Variants in ERC2 observed in about 807,000 individuals in gnomAD.
The protein encoded by ERC2 is ERC protein 2.
ERC2 carries 42 observed loss-of-function variants against 114.8 expected under a neutral mutation model. That is an observed-to-expected ratio of 0.37 (90% CI 0.29 to 0.47). The LOEUF (loss-of-function observed/expected upper bound fraction) is 0.47, where lower values mean the gene tolerates loss of function less well. Ranked by LOEUF, ERC2 falls within the 20% of genes least tolerant of loss-of-function variation. The pLI, the probability that ERC2 is intolerant of heterozygous loss-of-function variation, is 0.99. For missense variants in ERC2, 939 were observed against 1,150.7 expected, an observed-to-expected ratio of 0.82 and a Z score of 2.66; for synonymous variants, 454 against 425.5, an observed-to-expected ratio of 1.07 and a Z score of -0.82.
chr3:56,243,920 G>A (rs1024496548), intron 3 of ERC2, among the ~76,000 whole-genome samples: 2 of 152,176 alleles, frequency 1.3e-5, no homozygotes, highest in South Asian at 2.1e-4. Context: ...TGTAAAGAAA[G>A]CACAGTGTGG....
At chr3:55,807,734 C>T (rs9311587) in intron 14 of ERC2, among the ~76,000 whole-genome samples, 1 of 152,136 alleles carries the variant, frequency 6.6e-6, no homozygotes, top group African/African-American at 2.4e-5. Context: ...CCTTATCAAC[C>T]TAGACTCCTT....
chr3:56,282,121 AT>A (rs1292751990), intron 3 of ERC2, among the ~76,000 whole-genome samples: 1 of 152,236 alleles, frequency 6.6e-6, no homozygotes, highest in East Asian at 1.9e-4. Context: ...GAATGCAAAG[AT>A]TTTGTAGCAG....
At chr3:56,415,282 A>G (rs2061105767) in intron 2 of ERC2, among the ~76,000 whole-genome samples, 2 of 152,260 alleles carry the variant, frequency 1.3e-5, no homozygotes, top group African/African-American at 4.8e-5. Context: ...AGATAGACAG[A>G]TGGGTACACA....
At chr3:56,305,923 C>G (rs1180439112) in intron 2 of ERC2, among the ~76,000 whole-genome samples, 1 of 152,168 alleles carries the variant, frequency 6.6e-6, no homozygotes, top group Non-Finnish European at 1.5e-5. Flanking sequence ...AATCTCAGCT[C>G]ACTGCATCCT....
At chr3:55,820,845 A>G (rs1332660098) in intron 14 of ERC2, among the ~76,000 whole-genome samples, 1 of 152,174 alleles carries the variant, frequency 6.6e-6, no homozygotes, top group Non-Finnish European at 1.5e-5. Flanking sequence ...TCACTCAAGG[A>G]ACATTTAGTG....
chr3:56,141,151 T>G (rs1487219048), intron 5 of ERC2, among the ~76,000 whole-genome samples: 2 of 152,226 alleles, frequency 1.3e-5, no homozygotes, highest in Non-Finnish European at 2.9e-5. Context: ...TTTACACTTT[T>G]GCCAATTTGA....
chr3:56,218,197 C>T (rs559546740), intron 3 of ERC2, among the ~76,000 whole-genome samples: 1 of 152,158 alleles, frequency 6.6e-6, no homozygotes, highest in South Asian at 2.1e-4. Flanking sequence ...TCAGAGTGAA[C>T]AGGCAACCTA....
At chr3:55,946,806 A>G (rs907507644) in intron 13 of ERC2, among the ~76,000 whole-genome samples, 6 of 152,238 alleles carry the variant, frequency 3.9e-5, no homozygotes, top group African/African-American at 2.4e-5. Context: ...AAGCTAAATC[A>G]AGAACATTCC....
chr3:56,059,863 A>T (rs947737184), intron 7 of ERC2, among the ~76,000 whole-genome samples: 7 of 152,232 alleles, frequency 4.6e-5, no homozygotes, highest in African/African-American at 1.7e-4. Context: ...GTCTACAAAC[A>T]TGCAGATTCT....
intron 2 of ERC2, among the ~76,000 whole-genome samples, chr3:56,311,475 AT>A (rs890374052): frequency 6.6e-6 from 1 of 150,590 alleles, no homozygotes; most frequent in Non-Finnish European, 1.5e-5. Flanking sequence ...ATTTTTTTGT[AT>A]TTTTAGTAGA....
intron 12 of ERC2, among the ~76,000 whole-genome samples, chr3:55,965,280 T>C (rs1487619054): frequency 1.3e-5 from 2 of 152,206 alleles, no homozygotes; most frequent in Non-Finnish European, 2.9e-5. Context: ...TTCTACGCTA[T>C]CCAGTAGACT....
At chr3:56,451,606 A>G (rs1041970096) in intron 1 of ERC2, among the ~76,000 whole-genome samples, 1 of 152,256 alleles carries the variant, frequency 6.6e-6, no homozygotes, top group Non-Finnish European at 1.5e-5. Flanking sequence ...AACAATGGAA[A>G]TTAGAGTAAA....
At chr3:55,842,717 A>G (rs994303245) in intron 14 of ERC2, among the ~76,000 whole-genome samples, 1 of 152,040 alleles carries the variant, frequency 6.6e-6, no homozygotes, top group Non-Finnish European at 1.5e-5. Context: ...TCAGTTAAAA[A>G]AAAAGAACAA....
intron 14 of ERC2, among the ~76,000 whole-genome samples, chr3:55,838,449 T>C (rs2060993474): frequency 6.6e-6 from 1 of 152,094 alleles, no homozygotes; most frequent in African/African-American, 2.4e-5. Flanking sequence ...AACACACTTT[T>C]ATATAATCCA....
chr3:55,512,436 T>TGTAA (rs2052152994), intron 17 of ERC2, among the ~76,000 whole-genome samples: 1 of 152,200 alleles, frequency 6.6e-6, no homozygotes. Context: ...GTATGAAAAT[T>TGTAA]GTAAGTCAGA....
In ERC2 at chr3:55,972,149, A is replaced by G. The variant is rs77235327; in HGVS notation, c.2267+13828T>C. On this transcript the variant is annotated intron_variant, in intron 12 of 17. Coordinates refer to ENST00000288221, the MANE Select transcript of ERC2 (RefSeq NM_015576.3). ...CTGAAACATGAGCCATGGGTCAGGC[A>G]TTGAGAACACAAAAACAAAGAAGTT... is the stretch of plus-strand genomic sequence containing the variant. Among the ~76,000 whole-genome samples, 528 of 152,286 alleles carry G rather than the reference A, an allele frequency of 3.5e-3. 3 individuals carry two copies. Among genetic ancestry groups the G allele is most frequent in the African/African-American group, 0.012 (507 of 41,558 alleles).
chr3:56,094,348 G>A (rs1409097033), intron 6 of ERC2, among the ~76,000 whole-genome samples: 2 of 152,244 alleles, frequency 1.3e-5, no homozygotes, highest in African/African-American at 4.8e-5. Flanking sequence ...GGCAACCTGT[G>A]ATGTAAGTAC....
At position 56,007,192 on chromosome 3, in the gene ERC2, G is replaced by A; in HGVS notation, c.2050C>T (p.Gln684Ter). 6.4e-7 allele frequency: 1 copy of A among 1,563,384 alleles called. No individual in the cohort carries two copies. The highest frequency in any genetic ancestry group is 8.7e-7 in the Non-Finnish European group (1 of 1,153,778). ...KKEECSKLEA[Q>*]LKKAHNIEDD... Reference sequence around the variant, plus strand: ...TAGACTTCACTTACCTTTTTTAACTGTGCTTCCAATTTGCTACATTCCTCT... The same window carrying A: ...TAGACTTCACTTACCTTTTTTAACTATGCTTCCAATTTGCTACATTCCTCT... Residue 684 changes from glutamine to a stop codon, truncating the protein, a stop_gained, in exon 10 of 18, where the codon CAG becomes TAG. Coordinates refer to ENST00000288221, the MANE Select transcript of ERC2 (RefSeq NM_015576.3). LOFTEE classifies it high-confidence loss of function.
intron 3 of ERC2, among the ~76,000 whole-genome samples, chr3:56,224,706 A>G (rs929279998): frequency 1.3e-5 from 2 of 152,228 alleles, no homozygotes; most frequent in African/African-American, 4.8e-5. Context: ...GAATACCCAC[A>G]GTTACAAACC....
Sources: allele counts gnomAD v4.1 joint callset (sites outside exome capture counted in the v4.1 genomes callset), GRCh38; gene constraint gnomAD v4.1.1; transcripts MANE v1.5; gene names NCBI Gene and HGNC (gene_info 2026-07-23, HGNC 2026-07-21).